CNTNAP2: variants seen among roughly 807,000 people sequenced by gnomAD.
The protein encoded by CNTNAP2 is contactin-associated protein-like 2.
Under a neutral mutation model 155.2 loss-of-function variants are expected in CNTNAP2, and 98 were observed. The observed-to-expected ratio is 0.63, with a 90% CI of 0.54 to 0.75. The LOEUF (loss-of-function observed/expected upper bound fraction) is 0.75, where lower values mean the gene tolerates loss of function less well. Among genes scored for constraint, CNTNAP2 ranks in the 30% least tolerant of loss-of-function variants. CNTNAP2 has a pLI of 0.00. For synonymous variants in CNTNAP2, 651 were observed against 631.2 expected (o/e 1.03, Z -0.47); for missense variants, 1,727 against 1,688.1 (o/e 1.02, Z -0.40).
At chr7:148,388,718 TG>T (rs1799275328) in intron 22 of CNTNAP2, among the ~76,000 whole-genome samples, 1 of 152,192 alleles carries the variant, frequency 6.6e-6, no homozygotes, top group Non-Finnish European at 1.5e-5. Context: ...TTGGTGTGGT[TG>T]TCCTTTCTGT....
chr7:147,949,781 T>C (rs1478534673), intron 14 of CNTNAP2, among the ~76,000 whole-genome samples: 6 of 151,966 alleles, frequency 3.9e-5, no homozygotes, highest in Non-Finnish European at 5.9e-5. Context: ...GAAACCCAAG[T>C]AGGATTCCAG....
chr7:146,121,119 CTTTTTTTTTTTTTTTTTT>C (rs745449281), intron 1 of CNTNAP2, among the ~76,000 whole-genome samples: 7 of 65,762 alleles, frequency 1.1e-4, no homozygotes, highest in African/African-American at 3.6e-4. Flanking sequence ...ATAAAGCTTC[CTTTTTTTTTTTTTTTTTT>C]TTTTTTTTTG....
chr7:148,106,454 C>A (rs1804219732), intron 15 of CNTNAP2, among the ~76,000 whole-genome samples: 1 of 147,440 alleles, frequency 6.8e-6, no homozygotes. Flanking sequence ...CCAGAGTCAC[C>A]CCCACCCCCA....
At position 147,396,676 on chromosome 7, in the gene CNTNAP2, G is replaced by A. The variant is rs1471900237; in HGVS notation, c.1670+896G>A. On this transcript the variant is annotated intron_variant, in intron 10 of 23. Transcript: ENST00000361727. Reference sequence around the variant, plus strand: ...TAGATAGGGCCTGTCATTCCACTATGAACAAGTTTCATTTTGAGATGCTTT... The same window carrying A: ...TAGATAGGGCCTGTCATTCCACTATAAACAAGTTTCATTTTGAGATGCTTT... Among the ~76,000 whole-genome samples the A allele has an allele frequency of 2.0e-5, 3 of 152,004 alleles. No homozygotes were observed. In the East Asian group the frequency reaches 5.8e-4, roughly 29 times the overall value.
chr7:146,750,632 T>C (rs997934466), intron 1 of CNTNAP2, among the ~76,000 whole-genome samples: 1 of 152,204 alleles, frequency 6.6e-6, no homozygotes, highest in African/African-American at 2.4e-5. Context: ...TTGTCGTCAG[T>C]GCTATAATAT....
At chr7:146,580,943 G>T (rs931421928) in intron 1 of CNTNAP2, among the ~76,000 whole-genome samples, 1 of 152,016 alleles carries the variant, frequency 6.6e-6, no homozygotes, top group African/African-American at 2.4e-5. Flanking sequence ...ATCACCCCAA[G>T]AAATAAAAGG....
intron 8 of CNTNAP2, among the ~76,000 whole-genome samples, chr7:147,153,522 T>C (rs190311037): frequency 7.9e-5 from 12 of 152,162 alleles, no homozygotes; most frequent in Middle Eastern, 3.4e-3. Flanking sequence ...AGTAGATATC[T>C]GGGGGAAAAA....
rs550938358 is a variant in CNTNAP2, at chr7:147,287,194, A to G, written c.1349-12947A>G. Among the ~76,000 whole-genome samples the G allele has an allele frequency of 1.1e-4, 16 of 152,262 alleles. No individual in the cohort carries two copies. In the South Asian group the frequency reaches 3.3e-3, roughly 32 times the overall value. ...GTCAGTGGATGCAACATTACTAAGA[A>G]GAAACATCAGGTGCAAACAGGATTC... On this transcript the variant is annotated intron_variant, in intron 8 of 23. Transcript: ENST00000361727.
In CNTNAP2 at chr7:148,058,871, C is replaced by T. The variant is rs146036975; in HGVS notation, c.2384-59247C>T. Reference sequence around the variant, plus strand: ...TGTTAGAAAGACAAAATAGTTGTTACCTTTAGGGAAATGGTTGTGAACAAA... The same window carrying T: ...TGTTAGAAAGACAAAATAGTTGTTATCTTTAGGGAAATGGTTGTGAACAAA... On this transcript the variant is annotated intron_variant, in intron 15 of 23. Transcript: ENST00000361727. 3.4e-3 allele frequency among the ~76,000 whole-genome samples: 518 copies of T among 152,202 alleles called. 2 individuals carry two copies. The highest frequency in any genetic ancestry group is 0.012 in the African/African-American group (492 of 41,524).
At chr7:147,478,304 C>A (rs775227722) in intron 10 of CNTNAP2, among the ~76,000 whole-genome samples, 11 of 152,004 alleles carry the variant, frequency 7.2e-5, no homozygotes, top group Admixed American at 7.2e-4. Flanking sequence ...AGGCACCCAC[C>A]ACCACAGCCA....
chr7:147,847,621 T>G (rs1418790894), intron 13 of CNTNAP2, among the ~76,000 whole-genome samples: 6 of 45,048 alleles, frequency 1.3e-4, no homozygotes, highest in Non-Finnish European at 2.2e-4. Flanking sequence ...TCCATCCAGC[T>G]TTGTTCTGTT....
chr7:148,309,620 A>G (rs1181535922), intron 21 of CNTNAP2, among the ~76,000 whole-genome samples: 2 of 152,172 alleles, frequency 1.3e-5, no homozygotes, highest in Non-Finnish European at 2.9e-5. Context: ...TGGGGGTCAC[A>G]GGGTGCTCAG....
chr7:148,265,504 G>T (rs1796651296), intron 20 of CNTNAP2, among the ~76,000 whole-genome samples: 1 of 152,124 alleles, frequency 6.6e-6, no homozygotes, highest in African/African-American at 2.4e-5. Flanking sequence ...TGTACTCCTG[G>T]ACTCGAGAGA....
chr7:147,318,734 T>C lies in CNTNAP2; in HGVS notation c.1498+18444T>C, dbSNP rs376728078. On this transcript the variant is annotated intron_variant, in intron 9 of 23. Coordinates refer to ENST00000361727, the MANE Select transcript of CNTNAP2 (RefSeq NM_014141.6). ...AAGCATGTGGGGCTTAAAACCTAGA[T>C]GGCGGGTTGATTGGTGCAGCAAACC... Among the ~76,000 whole-genome samples the C allele has an allele frequency of 2.0e-5, 3 of 152,074 alleles. 1 individual carries two copies. The highest frequency in any genetic ancestry group is 3.9e-4 in the East Asian group (2 of 5,166).
chr7:147,225,526 A>T (rs1428769929), intron 8 of CNTNAP2, among the ~76,000 whole-genome samples: 3 of 152,138 alleles, frequency 2.0e-5, no homozygotes, highest in East Asian at 3.9e-4. Context: ...TTTCCCTGGA[A>T]TGATCCATTT....
chr7:147,069,786 A>G (rs1799854331), intron 4 of CNTNAP2, among the ~76,000 whole-genome samples: 1 of 152,210 alleles, frequency 6.6e-6, no homozygotes, highest in Non-Finnish European at 1.5e-5. Flanking sequence ...TCTGTGATAG[A>G]GGAAATATTC....
intron 12 of CNTNAP2, among the ~76,000 whole-genome samples, chr7:147,596,567 C>G (rs1457398961): frequency 6.6e-6 from 1 of 152,188 alleles, no homozygotes; most frequent in Middle Eastern, 3.2e-3. Flanking sequence ...TGCAGAATGG[C>G]TTCTTGCTAA....
At chr7:146,391,718 G>A (rs908298947) in intron 1 of CNTNAP2, among the ~76,000 whole-genome samples, 59 of 152,052 alleles carry the variant, frequency 3.9e-4, no homozygotes, top group Non-Finnish European at 5.4e-4. Context: ...ATGGCTTCCA[G>A]CTCCATCTAT....
chr7:146,711,384 A>G (rs1240428004), intron 1 of CNTNAP2, among the ~76,000 whole-genome samples: 1 of 147,524 alleles, frequency 6.8e-6, no homozygotes, highest in East Asian at 2.0e-4. Flanking sequence ...TGAGAATGCC[A>G]GAAACAATAT....
Sources: allele counts gnomAD v4.1 joint callset (sites outside exome capture counted in the v4.1 genomes callset), GRCh38; gene constraint gnomAD v4.1.1; transcripts MANE v1.5; gene names NCBI Gene and HGNC (gene_info 2026-07-23, HGNC 2026-07-21).